WT1: variants seen among roughly 807,000 people sequenced by gnomAD.
WT1 encodes the protein WT1 transcription factor.
WT1 carries 8 observed loss-of-function variants against 60.8 expected under a neutral mutation model. The ratio of observed to expected loss-of-function variants is 0.13; its 90% CI spans 0.08 to 0.24. WT1 has a LOEUF of 0.24. WT1 is among the 10% of genes least tolerant of loss of function. WT1 has a pLI of 1.00. For missense variants in WT1, 568 were observed against 711.8 expected (o/e 0.80, Z 2.30); for synonymous variants, 312 against 297.1 (o/e 1.05, Z -0.52).
chr11:32,429,091 T>C, intron 1 of WT1: 2 of 277,192 alleles, frequency 7.2e-6, no homozygotes, highest in African/African-American at 2.2e-5. Flanking sequence ...CAACTTTCAT[T>C]AATTACTCGG....
At chr11:32,396,938 C>A (rs985980442) in intron 6 of WT1, among the ~76,000 whole-genome samples, 5 of 152,164 alleles carry the variant, frequency 3.3e-5, no homozygotes, top group African/African-American at 1.2e-4. Context: ...GAAGAAGAAG[C>A]CCCTGGATTT....
At chr11:32,421,566 A>G (rs1462441805) in intron 3 of WT1, among the ~76,000 whole-genome samples, 2 of 152,244 alleles carry the variant, frequency 1.3e-5, no homozygotes, top group East Asian at 1.9e-4. Flanking sequence ...AGAAACTTCT[A>G]TAACTGGGAT....
intron 5 of WT1, chr11:32,400,328 G>A: frequency 2.0e-6 from 1 of 502,728 alleles, no homozygotes; most frequent in South Asian, 2.0e-5. Context: ...AGACCACAGT[G>A]GCAGGGTTTC....
At chr11:32,416,572 A>G in intron 4 of WT1, 32 bp from the exon 5 acceptor site, 1 of 1,613,770 alleles carries the variant, frequency 6.2e-7, no homozygotes, top group Non-Finnish European at 8.5e-7. Context: ...GGAGTGGGGA[A>G]TGGAGCATGC....
Position 32,389,029 on chromosome 11 carries a change from G to GACACTGA in WT1, c.*22_*28dup. On this transcript the variant is annotated 3_prime_UTR_variant, in exon 10 of 10. Coordinates refer to ENST00000452863, the MANE Select transcript of WT1 (RefSeq NM_024426.6). ...GCAGTTCACACACTGTGCTGCCTGG[G>GACACTGA]ACACTGAACGGTCCCCGAGGGAGAC... 4 of 1,614,096 alleles carry GACACTGA rather than the reference G, an allele frequency of 2.5e-6. No homozygotes were observed. Among genetic ancestry groups the GACACTGA allele is most frequent in the Non-Finnish European group, 3.4e-6 (4 of 1,179,992 alleles).
intron 6 of WT1, 40 bp from the exon 7 acceptor site, chr11:32,396,447 C>T: frequency 6.2e-7 from 1 of 1,609,860 alleles, no homozygotes; most frequent in Non-Finnish European, 8.5e-7. Flanking sequence ...CTTTAAGCCA[C>T]ATGTGAACAT....
chr11:32,417,932 C>G (rs1852730871), intron 3 of WT1, among the ~76,000 whole-genome samples: 1 of 151,894 alleles, frequency 6.6e-6, no homozygotes, highest in Non-Finnish European at 1.5e-5. Context: ...AGTATTAAAC[C>G]TTTGAGGGGA....
chr11:32,410,557 C>T (rs908524392), intron 5 of WT1, among the ~76,000 whole-genome samples: 1 of 151,988 alleles, frequency 6.6e-6, no homozygotes, highest in Non-Finnish European at 1.5e-5. Flanking sequence ...ATAAATACAC[C>T]TCAAAATGTT....
chr11:32,415,492 T>C (rs1029949396), intron 5 of WT1, among the ~76,000 whole-genome samples: 2 of 151,982 alleles, frequency 1.3e-5, no homozygotes, highest in African/African-American at 4.8e-5. Context: ...CTACTAAAAA[T>C]ACAAAATTAG....
rs537349832 is a variant in WT1, at chr11:32,432,482, G to A, written c.661+2218C>T. ...ATCCAAGCTGCCCAATGAGCCTCAAGGGCTGGGTAAGATGGACCCATCTGT... is the reference window on the plus strand; with the variant it reads ...ATCCAAGCTGCCCAATGAGCCTCAAAGGCTGGGTAAGATGGACCCATCTGT... On this transcript the variant is annotated intron_variant, in intron 1 of 9. Coordinates refer to ENST00000452863, the MANE Select transcript of WT1 (RefSeq NM_024426.6). 4.6e-5 allele frequency among the ~76,000 whole-genome samples: 7 copies of A among 152,314 alleles called. No individual in the cohort carries two copies. The South Asian group carries it at 1.0e-3, about 23-fold the overall frequency.
chr11:32,420,902 G>A (rs1852833241), intron 3 of WT1, among the ~76,000 whole-genome samples: 1 of 152,160 alleles, frequency 6.6e-6, no homozygotes, highest in African/African-American at 2.4e-5. Flanking sequence ...TCTCAGAAGA[G>A]GAGAGAAGGT....
At position 32,435,269 on chromosome 11, in the gene WT1, T is replaced by C. The variant is rs1334215033; in HGVS notation, c.92A>G (p.Gln31Arg). ...CCGGACTCCCTGCTGCTCTGGCTGC[T>C]GTAGGCACCCAGGCCCGGAGCGGAG... Residue 31 changes from glutamine (Q) to arginine (R), a missense_variant, in exon 1 of 10, where the codon CAG becomes CGG. Gln to Arg is a conservative substitution (Grantham distance 43). Coordinates refer to ENST00000452863, the MANE Select transcript of WT1 (RefSeq NM_024426.6). 1 of 1,534,990 alleles carries C rather than the reference T, an allele frequency of 6.5e-7. No homozygotes were observed. Among genetic ancestry groups the C allele is most frequent in the Non-Finnish European group, 8.7e-7 (1 of 1,147,066 alleles).
At chr11:32,434,601 G>C (rs1345563402) in intron 1 of WT1, 99 bp downstream of exon 1, 3 of 1,585,342 alleles carry the variant, frequency 1.9e-6, no homozygotes, top group East Asian at 2.3e-5. Flanking sequence ...AGCTGGGTAA[G>C]AGCTGCGGTC....
chr11:32,435,387 C>T lies in WT1; in HGVS notation c.-27G>A. 7.3e-6 allele frequency: 9 copies of T among 1,227,246 alleles called. No individual in the cohort carries two copies. Among genetic ancestry groups the T allele is most frequent in the South Asian group, 1.3e-5 (1 of 78,464 alleles). The allele number at this position is 1,227,246 out of a possible 1,614,324, so 76.0% of individuals were successfully genotyped here. A position where few individuals can be genotyped will look rare whatever the true frequency, so the allele number is the denominator to read the frequency against. On this transcript the variant is annotated 5_prime_UTR_variant, in exon 1 of 10. Coordinates refer to ENST00000452863, the MANE Select transcript of WT1 (RefSeq NM_024426.6). ...ATCGCGGCGAGGAGACGGCGGGGCC[C>T]GGGCGCCTGGGCTGCCGTCCCGGCT...
At chr11:32,419,145 A>C (rs944911316) in intron 3 of WT1, among the ~76,000 whole-genome samples, 4 of 152,206 alleles carry the variant, frequency 2.6e-5, no homozygotes, top group Non-Finnish European at 4.4e-5. Flanking sequence ...GCAATTCCAC[A>C]AATTCTTGCT....
At chr11:32,407,644 T>A (rs529656812) in intron 5 of WT1, among the ~76,000 whole-genome samples, 1 of 152,184 alleles carries the variant, frequency 6.6e-6, no homozygotes, top group African/African-American at 2.4e-5. Context: ...AATTTACCCA[T>A]CAACCCCTCT....
At chr11:32,394,236 C>T (rs1243610671) in intron 7 of WT1, among the ~76,000 whole-genome samples, 1 of 152,118 alleles carries the variant, frequency 6.6e-6, no homozygotes, top group African/African-American at 2.4e-5. Context: ...TATGTTTCAC[C>T]TCTGTGAGCT....
chr11:32,418,079 G>A (rs1366384658), intron 3 of WT1, among the ~76,000 whole-genome samples: 1 of 151,878 alleles, frequency 6.6e-6, no homozygotes, highest in African/African-American at 2.4e-5. Flanking sequence ...TTAATCAAAA[G>A]GATAAGTATC....
intron 3 of WT1, among the ~76,000 whole-genome samples, chr11:32,420,780 A>G (rs984576510): frequency 1.3e-5 from 2 of 152,224 alleles, no homozygotes; most frequent in Non-Finnish European, 2.9e-5. Flanking sequence ...GAAAATGACG[A>G]TGCTGCAAGA....
Sources: allele counts gnomAD v4.1 joint callset (sites outside exome capture counted in the v4.1 genomes callset), GRCh38; gene constraint gnomAD v4.1.1; transcripts MANE v1.5; gene names NCBI Gene and HGNC (gene_info 2026-07-23, HGNC 2026-07-21).